SLX9: variants seen among roughly 807,000 people sequenced by gnomAD.
SLX9 encodes the protein ribosome biogenesis protein SLX9 homolog.
Under a neutral mutation model 20.8 loss-of-function variants are expected in SLX9, and 19 were observed. That is an observed-to-expected ratio of 0.91 (90% CI 0.64 to 1.34). The LOEUF (loss-of-function observed/expected upper bound fraction) is 1.34. SLX9 is among the 40% of genes most tolerant of loss of function. The probability of loss-of-function intolerance (pLI) is 0.00; values close to 1 mark genes in which losing one functional copy is unlikely to be tolerated. For missense variants in SLX9, 299 were observed against 322.2 expected (o/e 0.93, Z 0.55); for synonymous variants, 113 against 137.1 (o/e 0.82, Z 1.23).
At chr21:44,971,484 C>T (rs1444133630) in intron 4 of SLX9, among the ~76,000 whole-genome samples, 2 of 152,130 alleles carry the variant, frequency 1.3e-5, no homozygotes, top group Admixed American at 6.5e-5. Flanking sequence ...CGCCTGGCCT[C>T]ATGGGCACTG....
intron 3 of SLX9, among the ~76,000 whole-genome samples, chr21:44,962,170 T>G (rs1174679269): frequency 6.6e-6 from 1 of 152,218 alleles, no homozygotes; most frequent in Non-Finnish European, 1.5e-5. Flanking sequence ...CTTTTTCTTT[T>G]GAAGATTGTA....
At chr21:44,955,207 C>CAA (rs560489212) in intron 2 of SLX9, among the ~76,000 whole-genome samples, 1,473 of 138,654 alleles carry the variant, frequency 0.011, 12 homozygotes, top group African/African-American at 0.019. Context: ...GACTTTGTCT[C>CAA]AAAAAAAAAA....
At chr21:44,976,499 C>G (rs1175371779) in intron 5 of SLX9, among the ~76,000 whole-genome samples, 181 bp from the exon 6 acceptor site, 1 of 152,198 alleles carries the variant, frequency 6.6e-6, no homozygotes, top group Non-Finnish European at 1.5e-5. Context: ...ATGCACGTGG[C>G]CACGAGGAGG....
intron 2 of SLX9, among the ~76,000 whole-genome samples, chr21:44,956,965 C>T (rs558244084): frequency 3.3e-5 from 5 of 152,292 alleles, no homozygotes; most frequent in East Asian, 3.9e-4. Flanking sequence ...GTGGTTCTGG[C>T]GAGGCGGTTG....
intron 2 of SLX9, among the ~76,000 whole-genome samples, chr21:44,955,645 G>A (rs568963447): frequency 6.6e-6 from 1 of 152,254 alleles, no homozygotes; most frequent in Non-Finnish European, 1.5e-5. Flanking sequence ...TTGGCCTCCT[G>A]AGCAGCTGGG....
upstream of SLX9, chr21:44,939,842 C>T: frequency 7.0e-6 from 4 of 572,290 alleles, no homozygotes; most frequent in Non-Finnish European, 6.2e-6. Flanking sequence ...CTCCGCGCCA[C>T]CCGCGTCCTC....
rs781591623 is a variant in SLX9 at position 44,976,746 on chromosome 21, G to A, written c.636G>A (p.Val212=). The stretch of plus-strand genomic sequence containing the variant: ...CGGCCTACAGAGCCAGCCCCCTGGT[G>A]GCCATCGGGCAGACGCTGGCCCGGC... ...ASPAYRASPL[V]AIGQTLARQM... The change falls in exon 6 of 6, where the codon GTG becomes GTA. Residue 212 remains valine, a synonymous_variant. Transcript: ENST00000291634. 27 of 1,562,592 alleles carry A rather than the reference G, an allele frequency of 1.7e-5. No homozygotes were observed. In the African/African-American group the frequency reaches 3.4e-4, roughly 20 times the overall value.
chr21:44,975,528 C>T (rs9978714), intron 5 of SLX9, among the ~76,000 whole-genome samples: 15,067 of 152,304 alleles, frequency 0.099, 865 homozygotes, highest in East Asian at 0.15. Flanking sequence ...GCGTCACTGT[C>T]ACGGCTCCTT....
chr21:44,946,153 A>C (rs1402349924), intron 2 of SLX9, among the ~76,000 whole-genome samples: 1 of 152,282 alleles, frequency 6.6e-6, no homozygotes, highest in Non-Finnish European at 1.5e-5. Flanking sequence ...ATGTTATCAG[A>C]GTAGAGCATA....
intron 2 of SLX9, among the ~76,000 whole-genome samples, chr21:44,956,555 G>A (rs1244460017): frequency 1.3e-5 from 2 of 152,210 alleles, no homozygotes; most frequent in East Asian, 1.9e-4. Context: ...TCTGTAGGCC[G>A]CAGCATCTCC....
At chr21:44,954,010 G>T (rs773876780) in intron 2 of SLX9, among the ~76,000 whole-genome samples, 21 of 152,272 alleles carry the variant, frequency 1.4e-4, no homozygotes, top group Non-Finnish European at 2.6e-4. Flanking sequence ...CTCTTGCCTT[G>T]TTACCCTGGC....
chr21:44,960,195 A>C, intron 3 of SLX9, 27 bp downstream of exon 3: 2 of 1,611,676 alleles, frequency 1.2e-6, no homozygotes, highest in Non-Finnish European at 1.7e-6. Context: ...GTCTTGAGGC[A>C]GCTGCCGGCC....
At position 44,968,420 on chromosome 21, in the gene SLX9, C is replaced by G. The variant is rs181958601; in HGVS notation, c.500+1239C>G. On this transcript the variant is annotated intron_variant, in intron 4 of 5. Transcript: ENST00000291634. ...CCAGCCTGCTGTGGTGTGTGCACCC[C>G]AGGACGGCTCAACCAGGAGGGCAGC... 1.8e-3 allele frequency among the ~76,000 whole-genome samples: 274 copies of G among 152,386 alleles called. 1 individual carries two copies. The highest frequency in any genetic ancestry group is 5.7e-3 in the African/African-American group (239 of 41,596).
chr21:44,970,590 C>T (rs1243925497), intron 4 of SLX9, among the ~76,000 whole-genome samples: 2 of 152,190 alleles, frequency 1.3e-5, no homozygotes, highest in Non-Finnish European at 2.9e-5. Context: ...GCCTGGGCGG[C>T]GGGCCGTGTC....
chr21:44,940,177 C>A lies in SLX9; in HGVS notation c.120C>A (p.Ala40=). The change falls in exon 1 of 6, where the codon GCC becomes GCA. Residue 40 remains alanine (A), a synonymous_variant. Coordinates refer to ENST00000291634, the MANE Select transcript of SLX9 (RefSeq NM_058190.4). The part of the protein sequence containing the change: ...APEATPPPAS[A]AGKDWAFINT... Reference sequence around the variant, plus strand: ...AGGCGACCCCTCCGCCGGCCTCGGCCGCGGGGAAGGTGAGCTGGGGAGGCG... The same window carrying A: ...AGGCGACCCCTCCGCCGGCCTCGGCAGCGGGGAAGGTGAGCTGGGGAGGCG... The A allele has an allele frequency of 7.9e-7, 1 of 1,266,030 alleles. No homozygotes were observed. The highest frequency in any genetic ancestry group is 1.0e-6 in the Non-Finnish European group (1 of 1,002,270). The allele number at this position is 1,266,030 out of a possible 1,614,324, so 78.4% of individuals were successfully genotyped here.
chr21:44,968,031 G>A (rs1045962678), intron 4 of SLX9, among the ~76,000 whole-genome samples: 6 of 131,340 alleles, frequency 4.6e-5, no homozygotes, highest in Admixed American at 7.0e-5. Context: ...TGGGTTCTGG[G>A]CCCTTAGTGC....
intron 2 of SLX9, among the ~76,000 whole-genome samples, chr21:44,953,844 C>T (rs929603637): frequency 1.2e-4 from 19 of 152,224 alleles, no homozygotes; most frequent in African/African-American, 3.6e-4. Context: ...GTACTTTCCT[C>T]GCTGCAAACC....
chr21:44,969,499 G>A (rs958245353), intron 4 of SLX9, among the ~76,000 whole-genome samples: 6 of 152,202 alleles, frequency 3.9e-5, no homozygotes, highest in African/African-American at 1.4e-4. Flanking sequence ...AGCCCTGAGA[G>A]CCTCCTGTCG....
intron 3 of SLX9, among the ~76,000 whole-genome samples, chr21:44,965,864 C>T (rs1474385351): frequency 1.3e-5 from 2 of 152,176 alleles, no homozygotes; most frequent in African/African-American, 4.8e-5. Context: ...CCTACCCCAG[C>T]TTCCAGGGTG....
Sources: gnomAD v4.1 joint callset for allele counts (sites outside exome capture counted in the v4.1 genomes callset) on GRCh38, gnomAD v4.1.1 for gene constraint, MANE v1.5 for transcripts, NCBI Gene and HGNC (gene_info 2026-07-23, HGNC 2026-07-21) for gene names.